PRKG1: variants seen among roughly 807,000 people sequenced by gnomAD.
The protein encoded by PRKG1 is cGMP-dependent protein kinase 1.
Under a neutral mutation model 88.1 loss-of-function variants are expected in PRKG1, and 35 were observed. The observed-to-expected ratio is 0.40, with a 90% CI of 0.30 to 0.53. The LOEUF is 0.53. PRKG1 is among the 20% of genes least tolerant of loss of function. The pLI, the probability that PRKG1 is intolerant of heterozygous loss-of-function variation, is 0.59. For missense variants in PRKG1, 540 were observed against 839.8 expected (o/e 0.64, Z 4.41); for synonymous variants, 303 against 292.5 (o/e 1.04, Z -0.37).
chr10:51,542,185 C>T (rs1305110845), intron 3 of PRKG1, among the ~76,000 whole-genome samples: 6 of 151,628 alleles, frequency 4.0e-5, no homozygotes, highest in African/African-American at 4.8e-5. Flanking sequence ...ATGAATTACC[C>T]CAAACTCTTT....
At chr10:51,979,417 T>TTTTTG (rs1554863418) in intron 5 of PRKG1, among the ~76,000 whole-genome samples, 5 of 135,120 alleles carry the variant, frequency 3.7e-5, no homozygotes, top group Non-Finnish European at 7.9e-5. Flanking sequence ...TCTGTTTTTT[T>TTTTTG]TTTTTTTTTT....
At chr10:51,099,845 C>T (rs1327761564) in intron 1 of PRKG1, among the ~76,000 whole-genome samples, 2 of 152,132 alleles carry the variant, frequency 1.3e-5, no homozygotes, top group Admixed American at 1.3e-4. Context: ...GTGTTTGGCT[C>T]ATCATGAGCC....
chr10:51,194,809 A>G (rs1031615823), intron 2 of PRKG1, among the ~76,000 whole-genome samples: 2 of 152,128 alleles, frequency 1.3e-5, no homozygotes, highest in African/African-American at 4.8e-5. Context: ...TTGTTGCATC[A>G]TCTCATGGTG....
intron 3 of PRKG1, among the ~76,000 whole-genome samples, chr10:51,543,321 TTTGTCAGTGATTAAA>T (rs1842360379): frequency 6.6e-6 from 1 of 152,204 alleles, no homozygotes; most frequent in South Asian, 2.1e-4. Flanking sequence ...CCTCCTTGTT[TTTGTCAGTGATTAAA>T]ATAATTTGTA....
intron 2 of PRKG1, among the ~76,000 whole-genome samples, chr10:51,211,871 C>T (rs369175245): frequency 2.7e-4 from 41 of 152,208 alleles, no homozygotes; most frequent in South Asian, 1.2e-3. Context: ...GAATCAATAT[C>T]GTGAAAATGG....
Position 51,218,490 on chromosome 10 carries a change from C to CACATATATAT in PRKG1, c.478+65161_478+65162insCATATATATA, listed in dbSNP as rs1491238870. Among the ~76,000 whole-genome samples the CACATATATAT allele has an allele frequency of 7.4e-5, 3 of 40,776 alleles. No homozygotes were observed. In the East Asian group the frequency reaches 1.8e-3, roughly 24 times the overall value. The allele number at this position is 40,776 out of a possible 152,430, so 26.8% of individuals were successfully genotyped here. A position where few individuals can be genotyped will look rare whatever the true frequency, so the allele number is the denominator to read the frequency against. ...ACTTTCATTATAGTTCATCTATCTTCATATATATATATATATATATATATA... is the reference window on the plus strand; with the variant it reads ...ACTTTCATTATAGTTCATCTATCTTCACATATATATATATATATATATATATATATATATA... On this transcript the variant is annotated intron_variant, in intron 2 of 17. Transcript: ENST00000373980.
At position 51,016,673 on chromosome 10, in the gene PRKG1, CTT is replaced by C. The variant is rs71029341; in HGVS notation, c.266+25047_266+25048del. On this transcript the variant is annotated intron_variant, in intron 1 of 17. Coordinates refer to the PRKG1 transcript ENST00000401604. ...AGTGAAGAAGGTATTATTATCCTTT[CTT>C]TTTTTTTTTTTTTTTTTGGAATCTT... 6.5e-4 allele frequency among the ~76,000 whole-genome samples: 23 copies of C among 35,190 alleles called. 1 individual carries two copies. The highest frequency in any genetic ancestry group is 2.4e-3 in the East Asian group (3 of 1,248). 23.1% of individuals were successfully genotyped at this position (35,190 alleles called of 152,430 possible). A position where few individuals can be genotyped will look rare whatever the true frequency, so the allele number is the denominator to read the frequency against.
intron 3 of PRKG1, among the ~76,000 whole-genome samples, chr10:51,614,487 C>T (rs1838994463): frequency 6.6e-6 from 1 of 151,144 alleles, no homozygotes; most frequent in Non-Finnish European, 1.5e-5. Flanking sequence ...TGTATTCCGC[C>T]AGTCTATACT....
intron 2 of PRKG1, among the ~76,000 whole-genome samples, chr10:51,399,825 G>A (rs770625211): frequency 1.2e-4 from 19 of 152,080 alleles, no homozygotes; most frequent in Non-Finnish European, 2.2e-4. Context: ...GACTTCAGGG[G>A]CAACCAATAT....
chr10:52,032,190 G>A (rs1589537755), intron 5 of PRKG1, among the ~76,000 whole-genome samples: 1 of 152,278 alleles, frequency 6.6e-6, no homozygotes, highest in South Asian at 2.1e-4. Context: ...CTCTGTTTGT[G>A]TCTGCGTAGT....
At chr10:51,814,535 A>G (rs930745963) in intron 4 of PRKG1, among the ~76,000 whole-genome samples, 5 of 152,136 alleles carry the variant, frequency 3.3e-5, no homozygotes, top group Non-Finnish European at 7.4e-5. Flanking sequence ...TGAAACCTGC[A>G]TTAGAATTAA....
intron 3 of PRKG1, among the ~76,000 whole-genome samples, chr10:51,690,648 C>T (rs1841112479): frequency 6.6e-6 from 1 of 151,988 alleles, no homozygotes; most frequent in Admixed American, 6.6e-5. Flanking sequence ...GAATTTTGGG[C>T]CGGGCGCTGT....
intron 5 of PRKG1, among the ~76,000 whole-genome samples, chr10:51,942,271 T>A (rs1293658717): frequency 1.3e-5 from 2 of 152,094 alleles, no homozygotes; most frequent in African/African-American, 4.8e-5. Context: ...TGTCTGTTCA[T>A]GTCCTTCACC....
rs1408928263 is a variant in PRKG1, at chr10:52,133,547, A to G, written c.936-293A>G. Among the ~76,000 whole-genome samples, 6 of 152,098 alleles carry G rather than the reference A, an allele frequency of 3.9e-5. No individual in the cohort carries two copies. In the South Asian group the frequency reaches 1.0e-3, roughly 26 times the overall value. On this transcript the variant is annotated intron_variant, in intron 7 of 17. Transcript: ENST00000373980. ...TTACTATCTTGATCATTATCCAACT[A>G]TTTTATTAATTTCCCCAAAGGGAAT...
chr10:52,047,418 T>C (rs985587417), intron 5 of PRKG1, among the ~76,000 whole-genome samples: 3 of 152,252 alleles, frequency 2.0e-5, no homozygotes, highest in Non-Finnish European at 4.4e-5. Context: ...GGATTGGAGA[T>C]CAGAGTGAGA....
At chr10:51,601,821 A>G (rs1286069076) in intron 3 of PRKG1, among the ~76,000 whole-genome samples, 5 of 133,804 alleles carry the variant, frequency 3.7e-5, no homozygotes, top group African/African-American at 1.4e-4. Flanking sequence ...ATCTAATCTG[A>G]TCTGGAAATC....
chr10:51,065,937 G>T (rs1843744564), intron 1 of PRKG1, among the ~76,000 whole-genome samples: 1 of 152,054 alleles, frequency 6.6e-6, no homozygotes, highest in Admixed American at 6.6e-5. Flanking sequence ...TTATGGGGAT[G>T]ATTCTGAAGG....
chr10:51,183,354 T>C (rs1589226329), intron 2 of PRKG1, among the ~76,000 whole-genome samples: 1 of 152,240 alleles, frequency 6.6e-6, no homozygotes, highest in African/African-American at 2.4e-5. Flanking sequence ...TGTTGTACTT[T>C]GCAGCTGCAA....
At chr10:51,396,254 A>C (rs1837573177) in intron 2 of PRKG1, among the ~76,000 whole-genome samples, 2 of 152,084 alleles carry the variant, frequency 1.3e-5, no homozygotes. Context: ...AGGTGTAATT[A>C]ACTGGGCGTG....
Sources: gnomAD v4.1 joint callset for allele counts (sites outside exome capture counted in the v4.1 genomes callset) on GRCh38, gnomAD v4.1.1 for gene constraint, MANE v1.5 for transcripts, NCBI Gene and HGNC (gene_info 2026-07-23, HGNC 2026-07-21) for gene names.